The following MGMT variants were observed in gnomAD, a reference collection of about 807,000 sequenced individuals.
MGMT encodes the protein O-6-methylguanine-DNA methyltransferase.
Under a neutral mutation model 15.9 loss-of-function variants are expected in MGMT, and 14 were observed. That is an observed-to-expected ratio of 0.88 (90% CI 0.58 to 1.37). The LOEUF is 1.37. Ranked by LOEUF, MGMT falls within the 40% of genes most tolerant of loss-of-function variation. The pLI, the probability that MGMT is intolerant of heterozygous loss-of-function variation, is 0.00. For synonymous variants in MGMT, 130 were observed against 118.2 expected, an observed-to-expected ratio of 1.10 and a Z score of -0.65; for missense variants, 282 against 268.1, an observed-to-expected ratio of 1.05 and a Z score of -0.36.
chr10:129,583,633 C>A (rs1846583216), intron 2 of MGMT, among the ~76,000 whole-genome samples: 1 of 152,200 alleles, frequency 6.6e-6, no homozygotes, highest in South Asian at 2.1e-4. Context: ...TCTGATACAT[C>A]CCCCTTGCCT....
chr10:129,663,047 C>T (rs943560216), intron 2 of MGMT, among the ~76,000 whole-genome samples: 2 of 152,134 alleles, frequency 1.3e-5, no homozygotes, highest in East Asian at 1.9e-4. Context: ...CAACCTATCC[C>T]GTCACAGATA....
At chr10:129,614,835 G>T (rs1847004426) in intron 2 of MGMT, among the ~76,000 whole-genome samples, 11 of 151,826 alleles carry the variant, frequency 7.2e-5, no homozygotes, top group South Asian at 6.2e-4. Context: ...TCAGTATGTT[G>T]TTCATTTCAG....
intron 2 of MGMT, among the ~76,000 whole-genome samples, chr10:129,695,811 G>A (rs1324417933): frequency 6.6e-6 from 1 of 152,160 alleles, no homozygotes; most frequent in Non-Finnish European, 1.5e-5. Flanking sequence ...GAGGGCGGGC[G>A]TGGCTTCCCA....
chr10:129,693,428 T>C (rs1847992317), intron 2 of MGMT, among the ~76,000 whole-genome samples: 1 of 152,198 alleles, frequency 6.6e-6, no homozygotes, highest in African/African-American at 2.4e-5. Flanking sequence ...ATCCCCAAGT[T>C]ACCCCGGTCT....
chr10:129,497,897 C>T lies in MGMT; in HGVS notation c.-13+30601C>T, dbSNP rs78350875. On this transcript the variant is annotated intron_variant, in intron 1 of 4. Transcript: ENST00000651593. ...GGCCCTTATCAGACACGGGCTCTGG[C>T]GGCACCTTGATCTTGGACTTCACAG... Among the ~76,000 whole-genome samples the T allele has an allele frequency of 3.3e-3, 498 of 152,300 alleles. 1 individual carries two copies. Among genetic ancestry groups the T allele is most frequent in the African/African-American group, 0.011 (473 of 41,562 alleles).
chr10:129,765,204 G>A lies in MGMT; in HGVS notation c.415-1584G>A, dbSNP rs768578765. Among the ~76,000 whole-genome samples the A allele has an allele frequency of 2.0e-4, 31 of 152,130 alleles. No homozygotes were observed. In the East Asian group the frequency reaches 5.4e-3, roughly 27 times the overall value. On this transcript the variant is annotated intron_variant, in intron 4 of 4. Transcript: ENST00000651593. ...CCACCCATACACCTGCTCCCCAGGCGCCAGGAGCTACTTAGGGATGAAGGC... is the reference window on the plus strand; with the variant it reads ...CCACCCATACACCTGCTCCCCAGGCACCAGGAGCTACTTAGGGATGAAGGC...
At chr10:129,598,387 G>C (rs1177554852) in intron 2 of MGMT, among the ~76,000 whole-genome samples, 2 of 152,132 alleles carry the variant, frequency 1.3e-5, no homozygotes, top group African/African-American at 4.8e-5. Context: ...CTTAGCGTAG[G>C]TGACAGATTC....
At chr10:129,550,851 C>T (rs1010339482) in intron 2 of MGMT, among the ~76,000 whole-genome samples, 30 of 152,232 alleles carry the variant, frequency 2.0e-4, no homozygotes, top group South Asian at 4.1e-4. Flanking sequence ...TACTCCTTTC[C>T]GTCTTGATGC....
At chr10:129,588,574 G>T (rs1026688046) in intron 2 of MGMT, among the ~76,000 whole-genome samples, 1 of 152,082 alleles carries the variant, frequency 6.6e-6, no homozygotes, top group Non-Finnish European at 1.5e-5. Context: ...ACTGTGGCTC[G>T]GTGTGGCCAA....
intron 3 of MGMT, among the ~76,000 whole-genome samples, chr10:129,724,392 C>T (rs780215114): frequency 2.6e-5 from 4 of 152,074 alleles, no homozygotes; most frequent in African/African-American, 4.8e-5. Flanking sequence ...GTTGTGCAGG[C>T]AGTGAGAAAC....
Position 129,533,670 on chromosome 10 carries a change from G to A in MGMT, c.-12-2571G>A, listed in dbSNP as rs1191924460. 6.6e-5 allele frequency among the ~76,000 whole-genome samples: 10 copies of A among 152,230 alleles called. No individual in the cohort carries two copies. The highest frequency in any genetic ancestry group is 2.4e-4 in the African/African-American group (10 of 41,532). On this transcript the variant is annotated intron_variant, in intron 1 of 4. Transcript: ENST00000651593. This position sits in a 1 kb window ranked among gnomAD's most constrained non-coding sequence, Gnocchi z 4.5. The stretch of plus-strand genomic sequence containing the variant: ...TCATGGACGCTTGGCCTGGATGGTG[G>A]TCACACTGGTAATTCAGTTCCACAA...
chr10:129,481,849 A>G (rs1845361407), intron 1 of MGMT, among the ~76,000 whole-genome samples: 3 of 152,132 alleles, frequency 2.0e-5, no homozygotes, highest in Non-Finnish European at 4.4e-5. Flanking sequence ...TGGTCTGGCT[A>G]GAGGTTTATC....
intron 4 of MGMT, among the ~76,000 whole-genome samples, chr10:129,764,715 C>T (rs1192204779): frequency 1.3e-5 from 2 of 152,202 alleles, no homozygotes; most frequent in South Asian, 2.1e-4. Context: ...GAGTGATACC[C>T]GGGGGTACCC....
chr10:129,756,919 T>C (rs1226799033), intron 3 of MGMT, among the ~76,000 whole-genome samples: 1 of 152,242 alleles, frequency 6.6e-6, no homozygotes, highest in African/African-American at 2.4e-5. Flanking sequence ...TTATAGAATA[T>C]GATGCTTAAC....
chr10:129,538,162 A>G (rs968609682), intron 2 of MGMT, among the ~76,000 whole-genome samples: 3 of 152,222 alleles, frequency 2.0e-5, no homozygotes, highest in East Asian at 1.9e-4. Flanking sequence ...AAATTTAGGT[A>G]AAAATTACAT....
chr10:129,698,633 A>C (rs1848060448), intron 2 of MGMT, among the ~76,000 whole-genome samples: 1 of 152,216 alleles, frequency 6.6e-6, no homozygotes, highest in Non-Finnish European at 1.5e-5. Context: ...ACACAGACAT[A>C]AGGCTATTTG....
rs756598334 is a variant in MGMT, at chr10:129,766,989, C to T, written c.616C>T (p.Arg206Ter). ...TACCTCGGGCTCCCCGCCTGCTGGC[C>T]GAAACTGAGTATGTGCAGTAGGATG... ...GATSGSPPAG[R>*]N Residue 206 changes from arginine (R) to a stop codon, truncating the protein, a stop_gained, in exon 5 of 5, where the codon CGA becomes TGA. Coordinates refer to ENST00000651593, the MANE Select transcript of MGMT (RefSeq NM_002412.5). LOFTEE classifies it high-confidence loss of function. The T allele has an allele frequency of 4.4e-6, 7 of 1,598,698 alleles. No individual in the cohort carries two copies. Among genetic ancestry groups the T allele is most frequent in the Admixed American group, 3.4e-5 (2 of 58,418 alleles).
At chr10:129,507,717 T>C (rs188744398) in intron 1 of MGMT, among the ~76,000 whole-genome samples, 2 of 152,304 alleles carry the variant, frequency 1.3e-5, no homozygotes, top group Admixed American at 1.3e-4. Flanking sequence ...CTGTGCAACT[T>C]TTTATTGTCC....
At chr10:129,646,938 T>G (rs1847402528) in intron 2 of MGMT, among the ~76,000 whole-genome samples, 1 of 151,186 alleles carries the variant, frequency 6.6e-6, no homozygotes, top group South Asian at 2.1e-4. Flanking sequence ...CTCTTTCCCC[T>G]CTGGCCCGTC....
Sources: gnomAD v4.1 joint callset for allele counts (sites outside exome capture counted in the v4.1 genomes callset) on GRCh38, gnomAD v4.1.1 for gene constraint, Gnocchi (gnomAD v3.1) non-coding constraint, MANE v1.5 for transcripts, NCBI Gene and HGNC (gene_info 2026-07-23, HGNC 2026-07-21) for gene names.